The following PABPC4L variants were observed in gnomAD, a reference collection of about 807,000 sequenced individuals.
The protein encoded by PABPC4L is polyadenylate-binding protein 4-like.
For missense variants in PABPC4L, 452 were observed against 451.4 expected, an observed-to-expected ratio of 1.00 and a Z score of -0.01; for synonymous variants, 169 against 164.1, an observed-to-expected ratio of 1.03 and a Z score of -0.23.
chr4:133,961,356 G>C, the PABPC4L span, among the ~76,000 whole-genome samples: 11 of 146,000 alleles, frequency 7.5e-5, no homozygotes, highest in African/African-American at 2.7e-4. Context: ...AGGACTAGCT[G>C]GATTTCCTAG....
chr4:134,133,719 C>CTA, the PABPC4L span, among the ~76,000 whole-genome samples: 3 of 151,784 alleles, frequency 2.0e-5, no homozygotes, highest in East Asian at 5.8e-4. Context: ...GGACAAAAGA[C>CTA]TATACACTGG....
chr4:133,968,230 C>G, the PABPC4L span, among the ~76,000 whole-genome samples: 5 of 152,120 alleles, frequency 3.3e-5, no homozygotes, highest in Non-Finnish European at 7.4e-5. Flanking sequence ...AGAAATTACT[C>G]CAAGTTCCCT....
the PABPC4L span, among the ~76,000 whole-genome samples, chr4:134,141,522 T>G: frequency 1.3e-5 from 2 of 150,304 alleles, no homozygotes; most frequent in Non-Finnish European, 3.0e-5. Flanking sequence ...AATTATAATA[T>G]TTTAATGTCT....
the PABPC4L span, among the ~76,000 whole-genome samples, chr4:134,018,824 A>C: frequency 6.6e-6 from 1 of 152,160 alleles, no homozygotes; most frequent in Admixed American, 6.6e-5. Flanking sequence ...GAAACTATGA[A>C]TGAAACTACA....
the PABPC4L span, among the ~76,000 whole-genome samples, chr4:134,175,449 CAAT>C: frequency 6.6e-6 from 1 of 151,312 alleles, no homozygotes; most frequent in Non-Finnish European, 1.5e-5. Flanking sequence ...ATTAATCAAT[CAAT>C]TAATTAATTA....
chr4:134,185,574 A>G, the PABPC4L span, among the ~76,000 whole-genome samples: 1 of 152,148 alleles, frequency 6.6e-6, no homozygotes, highest in African/African-American at 2.4e-5. Flanking sequence ...ACCCACAGCC[A>G]ATATCATACT....
the PABPC4L span, among the ~76,000 whole-genome samples, chr4:134,153,772 G>C: frequency 2.0e-5 from 3 of 148,378 alleles, no homozygotes. Flanking sequence ...TCAGCCTCCA[G>C]AGTAGCTGGG....
the PABPC4L span, among the ~76,000 whole-genome samples, chr4:133,989,019 A>G: frequency 2.0e-5 from 3 of 152,112 alleles, no homozygotes; most frequent in Admixed American, 6.5e-5. Context: ...CCTTTTACCC[A>G]TGGATGGACC....
chr4:134,025,008 G>A, the PABPC4L span, among the ~76,000 whole-genome samples: 1 of 146,454 alleles, frequency 6.8e-6, no homozygotes, highest in Non-Finnish European at 1.5e-5. Context: ...CTGGTCTCCA[G>A]TGATCTTTCT....
chr4:134,097,379 G>C, the PABPC4L span, among the ~76,000 whole-genome samples: 1 of 151,808 alleles, frequency 6.6e-6, no homozygotes, highest in African/African-American at 2.4e-5. Flanking sequence ...CTATGTCTTT[G>C]AAATAACTTA....
At chr4:134,008,672 G>T in the PABPC4L span, among the ~76,000 whole-genome samples, 2 of 151,776 alleles carry the variant, frequency 1.3e-5, no homozygotes, top group African/African-American at 4.8e-5. Context: ...TTGACAGTGG[G>T]AATTGGTACT....
chr4:134,171,426 G>A, the PABPC4L span, among the ~76,000 whole-genome samples: 1 of 152,048 alleles, frequency 6.6e-6, no homozygotes, highest in African/African-American at 2.4e-5. Context: ...ATGCATTACT[G>A]TGAAAAGTGA....
chr4:134,030,822 T>C, the PABPC4L span, among the ~76,000 whole-genome samples: 2 of 152,180 alleles, frequency 1.3e-5, no homozygotes, highest in African/African-American at 2.4e-5. Flanking sequence ...AATATACCAC[T>C]CTATTCCTTC....
chr4:134,056,909 C>T, the PABPC4L span, among the ~76,000 whole-genome samples: 2 of 151,932 alleles, frequency 1.3e-5, no homozygotes, highest in Non-Finnish European at 2.9e-5. Flanking sequence ...GCAAAAACTT[C>T]CAGTTTTATG....
the PABPC4L span, among the ~76,000 whole-genome samples, chr4:134,066,618 A>G: frequency 1.3e-5 from 2 of 152,036 alleles, no homozygotes; most frequent in African/African-American, 4.8e-5. Context: ...GCCTTGTTCC[A>G]GTTTTAAAGG....
At chr4:134,159,333 A>T in the PABPC4L span, among the ~76,000 whole-genome samples, 1 of 152,148 alleles carries the variant, frequency 6.6e-6, no homozygotes, top group Non-Finnish European at 1.5e-5. Context: ...TCGCCTTCAT[A>T]GGAACCAGAA....
the PABPC4L span, among the ~76,000 whole-genome samples, chr4:134,082,830 G>T: frequency 3.9e-5 from 6 of 151,970 alleles, no homozygotes; most frequent in Non-Finnish European, 8.8e-5. Flanking sequence ...CCCTCAAAGT[G>T]TAAAATAGTC....
At chr4:134,140,875 G>A in the PABPC4L span, among the ~76,000 whole-genome samples, 1 of 151,204 alleles carries the variant, frequency 6.6e-6, no homozygotes, top group Non-Finnish European at 1.5e-5. Flanking sequence ...AGTCCTTAGG[G>A]AAAAAAAATG....
the PABPC4L span, among the ~76,000 whole-genome samples, chr4:133,996,423 G>C: frequency 6.6e-6 from 1 of 152,122 alleles, no homozygotes; most frequent in Non-Finnish European, 1.5e-5. Flanking sequence ...TTGAGCCTGC[G>C]AGACGAAGGC....
Sources: gnomAD v4.1 joint callset for allele counts (sites outside exome capture counted in the v4.1 genomes callset) on GRCh38, gnomAD v4.1.1 for gene constraint, MANE v1.5 for transcripts, NCBI Gene and HGNC (gene_info 2026-07-23, HGNC 2026-07-21) for gene names.